Variants in IPO11 observed in about 807,000 individuals in gnomAD.
The protein encoded by IPO11 is importin 11.
IPO11 carries 66 observed loss-of-function variants against 143.2 expected under a neutral mutation model. The ratio of observed to expected loss-of-function variants is 0.46; its 90% CI spans 0.38 to 0.57. The LOEUF (loss-of-function observed/expected upper bound fraction) is 0.57. IPO11 is among the 20% of genes least tolerant of loss of function. The pLI, the probability that IPO11 is intolerant of heterozygous loss-of-function variation, is 0.00. For synonymous variants in IPO11, 385 were observed against 377.8 expected, an observed-to-expected ratio of 1.02 and a Z score of -0.22; for missense variants, 1,026 against 1,141.0, an observed-to-expected ratio of 0.90 and a Z score of 1.45.
chr5:62,508,471 C>T (rs1241160103), intron 19 of IPO11, among the ~76,000 whole-genome samples: 1 of 151,984 alleles, frequency 6.6e-6, no homozygotes, highest in African/African-American at 2.4e-5. Context: ...TGATATTAGG[C>T]AGCAAACATT....
chr5:62,466,052 C>G (rs1367694621), intron 5 of IPO11, among the ~76,000 whole-genome samples: 3 of 152,196 alleles, frequency 2.0e-5, no homozygotes, highest in Non-Finnish European at 4.4e-5. Context: ...TGATGAGAAA[C>G]TGTCTCATGA....
rs1202018561 is a variant in IPO11, at chr5:62,494,044, A to G, written c.1510A>G (p.Ile504Val). The G allele has an allele frequency of 3.7e-6, 6 of 1,613,358 alleles. No individual in the cohort carries two copies. The highest frequency in any genetic ancestry group is 2.2e-5 in the East Asian group (1 of 44,856). ...RRVIWLIGQWISVKFKSDLRP... is the reference protein window; with the variant it reads ...RRVIWLIGQWVSVKFKSDLRP... ...GGTGATTTGGCTCATCGGTCAGTGGATTTCTGTGAAATTCAAGTCTGACTT... is the reference window on the plus strand; with the variant it reads ...GGTGATTTGGCTCATCGGTCAGTGGGTTTCTGTGAAATTCAAGTCTGACTT... Residue 504 changes from isoleucine to valine, a missense_variant, in exon 16 of 30, where the codon ATT (isoleucine) becomes GTT (valine). Ile to Val is a conservative substitution (Grantham distance 29). This residue lies in a region of IPO11 where 237 missense variants were observed against 288.0 expected (regional missense o/e 0.82). Coordinates refer to ENST00000325324, the MANE Select transcript of IPO11 (RefSeq NM_016338.5).
rs557642242 is a variant in IPO11, at chr5:62,430,651, TATTTA to T, written c.-6-6604_-6-6600del. On this transcript the variant is annotated intron_variant, in intron 1 of 29. Coordinates refer to ENST00000325324, the MANE Select transcript of IPO11 (RefSeq NM_016338.5). ...AATCTCAGAAAGTAGTTTAGCAGTG[TATTTA>T]ATTTAATTTAATTTAATTACTTAAT... 8.8e-3 allele frequency among the ~76,000 whole-genome samples: 1,339 copies of T among 151,832 alleles called. 19 individuals are homozygous for T. Among genetic ancestry groups the T allele is most frequent in the African/African-American group, 0.031 (1,263 of 41,364 alleles).
At chr5:62,552,920 A>G (rs998733487) in intron 26 of IPO11, among the ~76,000 whole-genome samples, 1 of 152,186 alleles carries the variant, frequency 6.6e-6, no homozygotes, top group Admixed American at 6.5e-5. Context: ...GGTAATTGAC[A>G]TATCTGTCAC....
intron 2 of IPO11, among the ~76,000 whole-genome samples, chr5:62,441,481 GCCACT>G (rs1332467083): frequency 2.5e-5 from 3 of 119,010 alleles, no homozygotes; most frequent in African/African-American, 9.6e-5. Flanking sequence ...ACAGGCATGA[GCCACT>G]GTGCCTGGCC....
At chr5:62,439,024 A>G (rs1744344671) in intron 2 of IPO11, among the ~76,000 whole-genome samples, 1 of 150,656 alleles carries the variant, frequency 6.6e-6, no homozygotes, top group African/African-American at 2.4e-5. Flanking sequence ...GCACCACTGC[A>G]TTCCAACCTG....
chr5:62,437,407 C>T lies in IPO11; in HGVS notation c.128C>T (p.Ser43Leu), dbSNP rs1327793610. The T allele has an allele frequency of 3.1e-6, 5 of 1,605,226 alleles. No homozygotes were observed. The Admixed American group carries it at 5.1e-5, about 17-fold the overall frequency. The part of the protein sequence containing the change: ...KQWETQPGFY[S>L]VLLNIFTNHT... ...TGGGAGACACAGCCAGGTTTCTATT[C>T]AGTGTTGCTGGTAAGTTGTTCTAAA... Residue 43 changes from serine to leucine, a missense_variant, in exon 2 of 30, where the codon TCA becomes TTA. By Grantham distance (145) the Ser-to-Leu change is moderately radical (BLOSUM62 -2). Around this residue, in one of 5 missense-constraint regions of IPO11, gnomAD observed 429 missense variants for 456.3 expected, o/e 0.94. Transcript: ENST00000325324.
At chr5:62,461,939 C>G (rs921823144) in intron 5 of IPO11, among the ~76,000 whole-genome samples, 3 of 152,082 alleles carry the variant, frequency 2.0e-5, no homozygotes, top group African/African-American at 7.2e-5. Flanking sequence ...TGCTGGTACT[C>G]AAAGTTAAGG....
chr5:62,529,469 C>T (rs1742471884), intron 21 of IPO11, among the ~76,000 whole-genome samples: 1 of 152,004 alleles, frequency 6.6e-6, no homozygotes, highest in Non-Finnish European at 1.5e-5. Flanking sequence ...ATTTTTCTAA[C>T]ATTTTATCTA....
intron 14 of IPO11, among the ~76,000 whole-genome samples, chr5:62,489,660 G>T (rs564112665): frequency 6.6e-6 from 1 of 152,288 alleles, no homozygotes; most frequent in South Asian, 2.1e-4. Flanking sequence ...TGGAAAGAGG[G>T]TGTTGCATTC....
chr5:62,537,236 T>C lies in IPO11; in HGVS notation c.2197T>C (p.Phe733Leu). 1 of 1,607,278 alleles carries C rather than the reference T, an allele frequency of 6.2e-7. No individual in the cohort carries two copies. Among genetic ancestry groups the C allele is most frequent in the Non-Finnish European group, 8.5e-7 (1 of 1,174,884 alleles). The change falls in exon 24 of 30, where the codon TTT becomes CTT. Residue 733 changes from phenylalanine to leucine, a missense_variant. By Grantham distance (22) the Phe-to-Leu change is conservative. Coordinates refer to ENST00000325324, the MANE Select transcript of IPO11 (RefSeq NM_016338.5). ...QTYAVGLCQS[F>L]CELLKEITTE... Reference sequence around the variant, plus strand: ...ATACGCAGTAGGTCTATGCCAGTCCTTTTGTGAACTTTTAAAGGAAATTAC... The same window carrying C: ...ATACGCAGTAGGTCTATGCCAGTCCCTTTGTGAACTTTTAAAGGAAATTAC...
At chr5:62,510,865 T>TG (rs1172419788) in intron 19 of IPO11, among the ~76,000 whole-genome samples, 4 of 152,108 alleles carry the variant, frequency 2.6e-5, no homozygotes, top group Non-Finnish European at 4.4e-5. Flanking sequence ...CAGGAGTAGC[T>TG]GGGATTACGG....
At chr5:62,437,468 A>G (rs569783294) in intron 2 of IPO11, 51 bp downstream of exon 2, 4 of 1,515,214 alleles carry the variant, frequency 2.6e-6, no homozygotes, top group East Asian at 4.7e-5. Flanking sequence ...ATGAGACAAC[A>G]TTAATTTGTT....
At position 62,545,542 on chromosome 5, in the gene IPO11, G is replaced by A. The variant is rs527824463; in HGVS notation, c.2251-4825G>A. ...ACAATTCAGGACATAGGCATGGGCA[G>A]GGACTTCATGTCTAAAACACCAAAA... On this transcript the variant is annotated intron_variant, in intron 24 of 29. Coordinates refer to ENST00000325324, the MANE Select transcript of IPO11 (RefSeq NM_016338.5). Among the ~76,000 whole-genome samples, 101 of 152,150 alleles carry A rather than the reference G, an allele frequency of 6.6e-4. 1 individual carries two copies. Among genetic ancestry groups the A allele is most frequent in the African/African-American group, 2.1e-3 (89 of 41,534 alleles).
rs1376062335 is a variant in IPO11, at chr5:62,530,689, C to T, written c.2013-20C>T. On this transcript the variant is annotated intron_variant, in intron 21 of 29. Coordinates refer to ENST00000325324, the MANE Select transcript of IPO11 (RefSeq NM_016338.5). ...TAATGGGCATGGAAAGTGGTTTAAT[C>T]ATCTGTTTTTCCTTCCTAGGTTAGT... 1 of 1,556,122 alleles carries T rather than the reference C, an allele frequency of 6.4e-7. No individual in the cohort carries two copies. The highest frequency in any genetic ancestry group is 1.4e-5 in the African/African-American group (1 of 73,622).
chr5:62,448,960 TTTAA>T (rs1744814459), intron 3 of IPO11, among the ~76,000 whole-genome samples: 1 of 152,240 alleles, frequency 6.6e-6, no homozygotes, highest in African/African-American at 2.4e-5. Context: ...TTTAATTTAA[TTTAA>T]TTAATTTAAT....
intron 21 of IPO11, among the ~76,000 whole-genome samples, chr5:62,528,688 G>A (rs1403514302): frequency 3.3e-5 from 5 of 152,248 alleles, no homozygotes; most frequent in African/African-American, 1.2e-4. Flanking sequence ...CCATCCAATA[G>A]CTTGTATTTT....
chr5:62,564,134 A>G (rs1272001830), intron 27 of IPO11, among the ~76,000 whole-genome samples: 1 of 152,150 alleles, frequency 6.6e-6, no homozygotes, highest in Non-Finnish European at 1.5e-5. Flanking sequence ...AATATCCTTA[A>G]TAGACTAGTG....
intron 1 of IPO11, chr5:62,419,092 A>T: frequency 6.4e-7 from 1 of 1,550,896 alleles, no homozygotes; most frequent in Non-Finnish European, 8.7e-7. Context: ...ACAGCATGTT[A>T]CTGCACTGAA....
Sources: gnomAD v4.1 joint callset for allele counts (sites outside exome capture counted in the v4.1 genomes callset) on GRCh38, gnomAD v4.1.1 for gene constraint, gnomAD v4.1.1 regional missense constraint, MANE v1.5 for transcripts, NCBI Gene and HGNC (gene_info 2026-07-23, HGNC 2026-07-21) for gene names.